Variants in COL15A1 observed in about 807,000 individuals in gnomAD.
The protein encoded by COL15A1 is collagen alpha-1(XV) chain.
COL15A1 carries 111 observed loss-of-function variants against 165.9 expected under a neutral mutation model. The ratio of observed to expected loss-of-function variants is 0.67; its 90% CI spans 0.57 to 0.78. The LOEUF is 0.78. Ranked by LOEUF, COL15A1 falls within the 30% of genes least tolerant of loss-of-function variation. The probability of loss-of-function intolerance (pLI) is 0.00; values close to 1 mark genes in which losing one functional copy is unlikely to be tolerated. For missense variants in COL15A1, 1,745 were observed against 1,789.7 expected (o/e 0.98, Z 0.45); for synonymous variants, 659 against 674.8 (o/e 0.98, Z 0.36).
intron 2 of COL15A1, among the ~76,000 whole-genome samples, chr9:98,958,855 AGTGAGT>A (rs886124784): frequency 1.3e-5 from 2 of 152,120 alleles, no homozygotes; most frequent in African/African-American, 4.8e-5. Flanking sequence ...AGAAACTCAA[AGTGAGT>A]ATTCCGCAAA....
At chr9:99,048,908 G>T (rs1564084084) in intron 28 of COL15A1, among the ~76,000 whole-genome samples, 1 of 152,030 alleles carries the variant, frequency 6.6e-6, no homozygotes, top group East Asian at 1.9e-4. Context: ...TGTAAACACA[G>T]CTCTAAGTCT....
At chr9:98,978,414 G>T (rs1189642678) in intron 2 of COL15A1, among the ~76,000 whole-genome samples, 1 of 152,156 alleles carries the variant, frequency 6.6e-6, no homozygotes, top group African/African-American at 2.4e-5. Context: ...ACTCTCTGTG[G>T]CACCAGGAAT....
At chr9:99,015,906 G>T in intron 10 of COL15A1, 70 bp from the exon 11 acceptor site, 2 of 1,564,364 alleles carry the variant, frequency 1.3e-6, no homozygotes, top group Admixed American at 1.9e-5. Flanking sequence ...CCACAGAAAC[G>T]ACTGTTACAA....
intron 9 of COL15A1, among the ~76,000 whole-genome samples, chr9:99,010,899 A>C (rs905444582): frequency 1.4e-4 from 21 of 152,258 alleles, no homozygotes; most frequent in African/African-American, 4.8e-4. Context: ...AGGCAAAAGA[A>C]AAGACCTTCT....
intron 2 of COL15A1, among the ~76,000 whole-genome samples, chr9:98,982,443 G>A (rs1176188585): frequency 6.6e-6 from 1 of 152,136 alleles, no homozygotes; most frequent in Non-Finnish European, 1.5e-5. Context: ...TTTTTCAAGT[G>A]CTCAATAGCC....
At chr9:98,988,544 C>G in intron 4 of COL15A1, among the ~76,000 whole-genome samples, 1 of 152,116 alleles carries the variant, frequency 6.6e-6, no homozygotes, top group East Asian at 1.9e-4. Context: ...TGGTGGGGAC[C>G]TGGATCGAAT....
At chr9:99,023,185 A>G (rs1839056603) in intron 13 of COL15A1, among the ~76,000 whole-genome samples, 172 bp from the exon 14 acceptor site, 1 of 152,168 alleles carries the variant, frequency 6.6e-6, no homozygotes, top group Non-Finnish European at 1.5e-5. Context: ...GCAAGAGAGA[A>G]GGGTAGCTGT....
intron 2 of COL15A1, among the ~76,000 whole-genome samples, chr9:98,946,915 G>A (rs1465145542): frequency 6.6e-6 from 1 of 152,250 alleles, no homozygotes; most frequent in African/African-American, 2.4e-5. Flanking sequence ...GTATGCTTAA[G>A]TGGGGTGGCT....
At chr9:98,960,783 G>A (rs927245424) in intron 2 of COL15A1, among the ~76,000 whole-genome samples, 6 of 152,326 alleles carry the variant, frequency 3.9e-5, no homozygotes, top group African/African-American at 1.2e-4. Context: ...CCTTAATGAA[G>A]GGGAGTGGCC....
intron 2 of COL15A1, among the ~76,000 whole-genome samples, chr9:98,977,709 TGAGGTCTAGGGGGATGGAG>T (rs1489464601): frequency 1.4e-5 from 2 of 142,232 alleles, no homozygotes; most frequent in African/African-American, 5.3e-5. Flanking sequence ...CTTGAATGGC[TGAGGTCTAGGGGGATGGAG>T]GGTGGGAGGG....
chr9:98,952,342 T>A (rs1837701991), intron 2 of COL15A1, among the ~76,000 whole-genome samples: 1 of 152,188 alleles, frequency 6.6e-6, no homozygotes, highest in Non-Finnish European at 1.5e-5. Context: ...AGGCTGGAAT[T>A]CACTCTAATG....
At chr9:98,983,037 A>T (rs1026905210) in intron 2 of COL15A1, among the ~76,000 whole-genome samples, 8 of 152,182 alleles carry the variant, frequency 5.3e-5, no homozygotes, top group Non-Finnish European at 1.2e-4. Context: ...CGCTTTTTTT[A>T]AAATTGTGGT....
chr9:99,022,144 ACC>A lies in COL15A1; in HGVS notation c.1757_1758del (p.Pro586HisfsTer23). On this transcript the variant is annotated frameshift_variant, in exon 13 of 42. Transcript: ENST00000375001. LOFTEE classifies it high-confidence loss of function. ...GPPEPSGPVG[P>X]TAGAEAEGSG... is the part of the protein sequence containing the mutation. ...CTCCTGAACCTTCTGGGCCTGTTGGACCCACGGTGAGATTCCCATCCAGGCTT... is the reference window on the plus strand; with the variant it reads ...CTCCTGAACCTTCTGGGCCTGTTGGACACGGTGAGATTCCCATCCAGGCTT... 1 of 1,614,016 alleles carries A rather than the reference ACC, an allele frequency of 6.2e-7. No homozygotes were observed. The highest frequency in any genetic ancestry group is 8.5e-7 in the Non-Finnish European group (1 of 1,179,972).
At chr9:99,038,580 G>A (rs1839345834) in intron 21 of COL15A1, 88 bp from the exon 22 acceptor site, 1 of 828,320 alleles carries the variant, frequency 1.2e-6, no homozygotes, top group African/African-American at 1.7e-5. Flanking sequence ...CCGCTATGCT[G>A]GGTGACTTTA....
At chr9:99,027,289 C>T (rs781694144) in intron 16 of COL15A1, among the ~76,000 whole-genome samples, 1 of 152,146 alleles carries the variant, frequency 6.6e-6, no homozygotes, top group Non-Finnish European at 1.5e-5. Flanking sequence ...TGGACAAAGA[C>T]GTGGAAAATG....
At chr9:98,987,440 C>G in intron 4 of COL15A1, 72 bp downstream of exon 4, 1 of 1,401,784 alleles carries the variant, frequency 7.1e-7, no homozygotes, top group East Asian at 2.5e-5. Flanking sequence ...GCTGGATGCC[C>G]AGACAGTGGC....
chr9:99,001,079 C>T (rs1233872011), intron 7 of COL15A1, 128 bp downstream of exon 7: 4 of 662,622 alleles, frequency 6.0e-6, no homozygotes, highest in Non-Finnish European at 1.1e-5. Flanking sequence ...ATCAAGATTG[C>T]TTCTGTCCTC....
At chr9:99,034,462 T>C (rs1351057428) in intron 16 of COL15A1, 87 bp from the exon 17 acceptor site, 7 of 1,505,232 alleles carry the variant, frequency 4.7e-6, no homozygotes, top group Non-Finnish European at 6.2e-6. Flanking sequence ...CCTATTTCCT[T>C]GGAGTCCATA....
Position 99,034,417 on chromosome 9 carries a change from A to G in COL15A1, c.2044-132A>G. 4 of 1,407,144 alleles carry G rather than the reference A, an allele frequency of 2.8e-6. No homozygotes were observed. In the South Asian group the frequency reaches 6.8e-5, roughly 24 times the overall value. The allele number at this position is 1,407,144 out of a possible 1,614,324, so 87.2% of individuals were successfully genotyped here. ...ATTGTAATGTGTTTGGTTTGGAGACACCAATCTGAGACAGAAAGAGTCCTA... is the reference window on the plus strand; with the variant it reads ...ATTGTAATGTGTTTGGTTTGGAGACGCCAATCTGAGACAGAAAGAGTCCTA... On this transcript the variant is annotated intron_variant, in intron 16 of 41. Coordinates refer to ENST00000375001, the MANE Select transcript of COL15A1 (RefSeq NM_001855.5).
Sources: allele counts gnomAD v4.1 joint callset (sites outside exome capture counted in the v4.1 genomes callset), GRCh38; gene constraint gnomAD v4.1.1; transcripts MANE v1.5; gene names NCBI Gene and HGNC (gene_info 2026-07-23, HGNC 2026-07-21).